SLC14A2: variants seen among roughly 807,000 people sequenced by gnomAD.
SLC14A2 encodes the protein urea transporter 2.
SLC14A2 carries 91 observed loss-of-function variants against 104.6 expected under a neutral mutation model. The observed-to-expected ratio is 0.87, with a 90% confidence interval of 0.73 to 1.04. The LOEUF is 1.04. SLC14A2 is among the 50% of genes least tolerant of loss of function. The pLI is 0.00. For missense variants in SLC14A2, 1,189 were observed against 1,156.0 expected (o/e 1.03, Z -0.41); for synonymous variants, 476 against 466.4 (o/e 1.02, Z -0.27).
intron 1 of SLC14A2, among the ~76,000 whole-genome samples, chr18:45,231,568 C>A (rs1043043210): frequency 1.3e-5 from 2 of 152,184 alleles, no homozygotes; most frequent in Non-Finnish European, 2.9e-5. Context: ...ACTAAAAACC[C>A]TTCGTTGTCT....
intron 1 of SLC14A2, among the ~76,000 whole-genome samples, chr18:45,383,795 C>G (rs944681473): frequency 1.7e-4 from 26 of 152,116 alleles, no homozygotes; most frequent in African/African-American, 6.0e-4. Context: ...GAAAAATAAC[C>G]TTGCATGGCT....
At chr18:45,373,794 T>C (rs1340000365) in intron 1 of SLC14A2, among the ~76,000 whole-genome samples, 1 of 152,118 alleles carries the variant, frequency 6.6e-6, no homozygotes, top group Admixed American at 6.5e-5. Context: ...AGTATGTAAA[T>C]CCTCTATGCT....
intron 2 of SLC14A2, among the ~76,000 whole-genome samples, chr18:45,579,495 C>T (rs990834175): frequency 2.6e-5 from 4 of 152,156 alleles, no homozygotes; most frequent in African/African-American, 7.2e-5. Flanking sequence ...GCTTTATAGG[C>T]TAGTTATTTT....
intron 1 of SLC14A2, among the ~76,000 whole-genome samples, chr18:45,468,937 C>G (rs2087193855): frequency 6.6e-6 from 1 of 152,154 alleles, no homozygotes; most frequent in Admixed American, 6.5e-5. Context: ...AAAGCATGTA[C>G]AGTAAAGTGC....
intron 2 of SLC14A2, among the ~76,000 whole-genome samples, chr18:45,490,858 A>C (rs1023861105): frequency 2.0e-5 from 3 of 152,244 alleles, no homozygotes; most frequent in African/African-American, 7.2e-5. Flanking sequence ...GGCCTATAAA[A>C]ATATGAAAAG....
the SLC14A2 span, among the ~76,000 whole-genome samples, chr18:45,199,873 A>T: frequency 6.6e-6 from 1 of 152,136 alleles, no homozygotes; most frequent in African/African-American, 2.4e-5. Context: ...TAGGTTTTGG[A>T]AAAACCATGT....
At chr18:45,288,946 A>G (rs2084842388) in intron 1 of SLC14A2, among the ~76,000 whole-genome samples, 1 of 152,220 alleles carries the variant, frequency 6.6e-6, no homozygotes, top group African/African-American at 2.4e-5. Flanking sequence ...ACGTAAATGA[A>G]GGAGCCCCAC....
chr18:45,612,803 C>G (rs766507107), upstream of SLC14A2, among the ~76,000 whole-genome samples: 6 of 152,182 alleles, frequency 3.9e-5, no homozygotes, highest in Non-Finnish European at 8.8e-5. Flanking sequence ...GGGGCAGCTT[C>G]CCTATGCTGT....
intron 1 of SLC14A2, among the ~76,000 whole-genome samples, chr18:45,391,291 T>G (rs1782967193): frequency 6.6e-6 from 1 of 152,242 alleles, no homozygotes; most frequent in African/African-American, 2.4e-5. Flanking sequence ...TTCCATGGTG[T>G]ATATGTGCCA....
chr18:45,272,902 A>AC (rs2084665370), intron 1 of SLC14A2, among the ~76,000 whole-genome samples: 1 of 152,074 alleles, frequency 6.6e-6, no homozygotes, highest in African/African-American at 2.4e-5. Context: ...CACACACAAA[A>AC]ATTTTTTTAA....
At chr18:45,405,233 G>C (rs2086140631) in intron 1 of SLC14A2, among the ~76,000 whole-genome samples, 1 of 152,088 alleles carries the variant, frequency 6.6e-6, no homozygotes, top group Admixed American at 6.5e-5. Context: ...AGAAGACTGG[G>C]GACCATCTTT....
In SLC14A2 at chr18:45,344,278, A is replaced by G. The variant is rs534547179; in HGVS notation, c.-125+131087A>G. ...TACCACTTAGATGTCATTCAATTCA[A>G]TTCTGACACTACCTGAAGTTCTCTA... On this transcript the variant is annotated intron_variant, in intron 1 of 20. Coordinates refer to the SLC14A2 transcript ENST00000586448. 5.9e-5 allele frequency among the ~76,000 whole-genome samples: 9 copies of G among 152,230 alleles called. No homozygotes were observed. The East Asian group carries it at 1.5e-3, about 26-fold the overall frequency.
At chr18:45,294,546 AG>A (rs1285196394) in intron 1 of SLC14A2, among the ~76,000 whole-genome samples, 2 of 152,248 alleles carry the variant, frequency 1.3e-5, no homozygotes, top group South Asian at 2.1e-4. Flanking sequence ...AATGTATAAA[AG>A]ATAACTAATA....
At chr18:45,288,931 G>A (rs2084842200) in intron 1 of SLC14A2, among the ~76,000 whole-genome samples, 1 of 152,236 alleles carries the variant, frequency 6.6e-6, no homozygotes, top group African/African-American at 2.4e-5. Flanking sequence ...ACAAACTCAT[G>A]TTAAACGTAA....
chr18:45,273,473 T>A (rs1377357747), intron 1 of SLC14A2, among the ~76,000 whole-genome samples: 1 of 152,122 alleles, frequency 6.6e-6, no homozygotes, highest in Non-Finnish European at 1.5e-5. Context: ...AGGTAAGAAT[T>A]TCCCAGGAGA....
chr18:45,430,273 T>C (rs1002339205), intron 1 of SLC14A2, among the ~76,000 whole-genome samples: 1 of 152,230 alleles, frequency 6.6e-6, no homozygotes, highest in Non-Finnish European at 1.5e-5. Flanking sequence ...AAAAAACAAG[T>C]TTCCAAATCA....
At chr18:45,493,097 A>C in intron 2 of SLC14A2, 1 of 152,108 alleles carries the variant, frequency 6.6e-6, no homozygotes, top group East Asian at 1.9e-4. Context: ...TTTCCAACTC[A>C]CTTCTTCCAA....
chr18:45,605,834 A>G (rs1484781134), intron 2 of SLC14A2, among the ~76,000 whole-genome samples: 1 of 152,134 alleles, frequency 6.6e-6, no homozygotes, highest in African/African-American at 2.4e-5. Flanking sequence ...AGCATGGAAC[A>G]GCAGCCTGCA....
At chr18:45,212,350 G>T (rs533833983), upstream of SLC14A2, among the ~76,000 whole-genome samples, 23 of 152,306 alleles carry the variant, frequency 1.5e-4, no homozygotes, top group South Asian at 4.1e-3. Context: ...AGCAGAACTG[G>T]ATTTTAATCC....
Sources: gnomAD v4.1 joint callset for allele counts (sites outside exome capture counted in the v4.1 genomes callset) on GRCh38, gnomAD v4.1.1 for gene constraint, MANE v1.5 for transcripts, NCBI Gene and HGNC (gene_info 2026-07-23, HGNC 2026-07-21) for gene names.